The following EVA1B variants were observed in gnomAD, a reference collection of about 807,000 sequenced individuals.
The protein encoded by EVA1B is eva-1 homolog B.
Under a neutral mutation model 4.6 loss-of-function variants are expected in EVA1B, and 2 were observed. The observed-to-expected ratio is 0.43, with a 90% CI of 0.18 to 1.37. EVA1B has a LOEUF of 1.37. Ranked by LOEUF, EVA1B falls within the 40% of genes most tolerant of loss-of-function variation. The pLI is 0.28. For synonymous variants in EVA1B, 124 were observed against 115.8 expected, an observed-to-expected ratio of 1.07 and a Z score of -0.46; for missense variants, 263 against 240.4, an observed-to-expected ratio of 1.09 and a Z score of -0.62.
chr1:36,322,353 C>A lies in EVA1B; in HGVS notation c.440G>T (p.Gly147Val). ...GGCCGTGGGGCTGGGCCCCAGCGTG[C>A]CTGTGCCCAGCAGGTCCGGCTGCCC... ...RTGQPDLLGT[G>V]TLGPSPTATG... The change falls in exon 3 of 3, where the codon GGC becomes GTC. Residue 147 changes from glycine to valine, a missense_variant. Physicochemically the swap from Gly to Val is moderately radical, Grantham distance 109. Transcript: ENST00000490466. The A allele has an allele frequency of 6.3e-7, 1 of 1,584,540 alleles. No homozygotes were observed. The highest frequency in any genetic ancestry group is 8.5e-7 in the Non-Finnish European group (1 of 1,173,346).
In EVA1B at chr1:36,322,690, C is replaced by T; in HGVS notation, c.103G>A (p.Gly35Ser). The T allele has an allele frequency of 6.5e-7, 1 of 1,547,322 alleles. No individual in the cohort carries two copies. The highest frequency in any genetic ancestry group is 8.7e-7 in the Non-Finnish European group (1 of 1,146,770). Residue 35 changes from glycine to serine, a missense_variant, in exon 3 of 3, where the codon GGC becomes AGC. Physicochemically the swap from Gly to Ser is moderately conservative, Grantham distance 56 (BLOSUM62 0). Transcript: ENST00000490466. ...PESFGLYFVL[G>S]VCFGLLLTLC... ...GTGAGCAGCAGGCCGAAGCAGACGC[C>T]CAGCACGAAGTAGAGGCCGAAGCTC... is the stretch of plus-strand genomic sequence containing the variant.
chr1:36,322,604 A>G lies in EVA1B; in HGVS notation c.189T>C (p.Ala63=). ...WAPRPRPRGP[A]QRRDPRSSTL... ...TGCTGCTGCGGGGGTCCCGGCGCTG[A>G]GCCGGGCCCCGGGGCCGCGGGCGGG... Residue 63 remains alanine (A), a synonymous_variant, in exon 3 of 3, where the codon GCT becomes GCC. Coordinates refer to ENST00000490466, the MANE Select transcript of EVA1B (RefSeq NM_001304762.2). 1 of 1,555,264 alleles carries G rather than the reference A, an allele frequency of 6.4e-7. No homozygotes were observed. The highest frequency in any genetic ancestry group is 8.7e-7 in the Non-Finnish European group (1 of 1,154,088).
chr1:36,322,375 G>A lies in EVA1B; in HGVS notation c.418C>T (p.Gln140Ter). The change falls in exon 3 of 3, where the codon CAG (glutamine) becomes TAG (stop). Residue 140 changes from glutamine (Q) to a stop codon, truncating the protein, a stop_gained. Transcript: ENST00000490466. LOFTEE classifies it high-confidence loss of function. The stretch of plus-strand genomic sequence containing the variant: ...GTGCCTGTGCCCAGCAGGTCCGGCT[G>A]CCCGGTGCGCCAGATCTCCCGCAGG... ...RILREIWRTG[Q>*]PDLLGTGTLG... is the part of the protein sequence containing the mutation. 6.3e-7 allele frequency: 1 copy of A among 1,592,244 alleles called. No homozygotes were observed. Among genetic ancestry groups the A allele is most frequent in the Non-Finnish European group, 8.5e-7 (1 of 1,176,576 alleles).
rs761698911 is a variant in EVA1B at position 36,322,382 on chromosome 1, G to A, written c.411C>T (p.Arg137=). 5 of 1,594,764 alleles carry A rather than the reference G, an allele frequency of 3.1e-6. No individual in the cohort carries two copies. Among genetic ancestry groups the A allele is most frequent in the South Asian group, 1.1e-5 (1 of 90,066 alleles). Residue 137 remains arginine (R), a synonymous_variant, in exon 3 of 3, where the codon CGC becomes CGT. Coordinates refer to ENST00000490466, the MANE Select transcript of EVA1B (RefSeq NM_001304762.2). ...ERERILREIW[R]TGQPDLLGTG... ...TGCCCAGCAGGTCCGGCTGCCCGGT[G>A]CGCCAGATCTCCCGCAGGATCCGTT...
In EVA1B at chr1:36,322,329, G is replaced by A. The variant is rs1646477628; in HGVS notation, c.464C>T (p.Ala155Val). Residue 155 changes from alanine to valine, a missense_variant, in exon 3 of 3, where the codon GCC becomes GTC. Ala to Val is a moderately conservative substitution (Grantham distance 64). Coordinates refer to ENST00000490466, the MANE Select transcript of EVA1B (RefSeq NM_001304762.2). ...GTGCATGCGGCCCAGGGTGCCCGTGGCCGTGGGGCTGGGCCCCAGCGTGCC... is the reference window on the plus strand; with the variant it reads ...GTGCATGCGGCCCAGGGTGCCCGTGACCGTGGGGCTGGGCCCCAGCGTGCC... ...GTGTLGPSPT[A>V]TGTLGRMHYY is the part of the protein sequence containing the mutation. 6.4e-7 allele frequency: 1 copy of A among 1,566,018 alleles called. No homozygotes were observed.
intron 1 of EVA1B, 109 bp downstream of exon 1, chr1:36,323,350 A>G (rs966190674): frequency 3.1e-6 from 1 of 318,972 alleles, no homozygotes; most frequent in African/African-American, 2.2e-5. Flanking sequence ...GATGGAGGAT[A>G]GGGACGCTGA....
intron 1 of EVA1B, 150 bp from the exon 2 acceptor site, chr1:36,323,217 G>A: frequency 1.5e-6 from 1 of 678,326 alleles, no homozygotes; most frequent in Non-Finnish European, 2.3e-6. Flanking sequence ...GGCCCTGTCG[G>A]GGGGAACCCC....
In EVA1B at chr1:36,323,069, T is replaced by C. The variant is rs1227582576; in HGVS notation, c.-30-2A>G. The C allele has an allele frequency of 6.3e-7, 1 of 1,592,642 alleles. No homozygotes were observed. The highest frequency in any genetic ancestry group is 1.9e-5 in the Admixed American group (1 of 53,718). Reference sequence around the variant, plus strand: ...CTGGGGGGCAGCTCCCCTACCAGCCTGCGAGGTCAGCAAAGTCAGATCCTT... The same window carrying C: ...CTGGGGGGCAGCTCCCCTACCAGCCCGCGAGGTCAGCAAAGTCAGATCCTT... On this transcript the variant is annotated splice_acceptor_variant, in intron 1 of 2. Transcript: ENST00000490466. LOFTEE classifies it low-confidence loss of function (5UTR_SPLICE).
chr1:36,323,348 A>C (rs1646500948), intron 1 of EVA1B, 111 bp downstream of exon 1: 1 of 332,836 alleles, frequency 3.0e-6, no homozygotes, highest in Middle Eastern at 8.5e-4. Flanking sequence ...GGGATGGAGG[A>C]TAGGGACGCT....
At chr1:36,323,716 G>C (rs1344008603), upstream of EVA1B, 1 of 152,090 alleles carries the variant, frequency 6.6e-6, no homozygotes, top group Admixed American at 6.5e-5. Context: ...GGGGAGAGGA[G>C]CGGGCAGCCG....
Position 36,322,775 on chromosome 1 carries a change from T to G in EVA1B, c.68-50A>C, listed in dbSNP as rs766889776. On this transcript the variant is annotated intron_variant, in intron 2 of 2. Transcript: ENST00000490466. ...CGGAGAGGCCCGGACGGGTGGGGGTTGTCCCACTTCCGAAAGACCCCAGGT... is the reference window on the plus strand; with the variant it reads ...CGGAGAGGCCCGGACGGGTGGGGGTGGTCCCACTTCCGAAAGACCCCAGGT... The G allele has an allele frequency of 2.1e-5, 32 of 1,525,126 alleles. No homozygotes were observed. In the South Asian group the frequency reaches 3.6e-4, roughly 17 times the overall value. 94.5% of individuals were successfully genotyped at this position (1,525,126 alleles called of 1,614,324 possible).
At position 36,323,050 on chromosome 1, in the gene EVA1B, G is replaced by T; in HGVS notation, c.-13C>A. 6.3e-7 allele frequency: 1 copy of T among 1,598,134 alleles called. No homozygotes were observed. The highest frequency in any genetic ancestry group is 8.5e-7 in the Non-Finnish European group (1 of 1,175,092). On this transcript the variant is annotated 5_prime_UTR_variant, in exon 2 of 3. Coordinates refer to ENST00000490466, the MANE Select transcript of EVA1B (RefSeq NM_001304762.2). ...GCGGGGCATCCATGCTGCTCTGGGGGGCAGCTCCCCTACCAGCCTGCGAGG... is the reference window on the plus strand; with the variant it reads ...GCGGGGCATCCATGCTGCTCTGGGGTGCAGCTCCCCTACCAGCCTGCGAGG...
chr1:36,322,725 G>A lies in EVA1B; in HGVS notation c.68C>T (p.Ala23Val), dbSNP rs1034370838. The change falls in exon 3 of 3, where the codon GCC (alanine) becomes GTC (valine). Residue 23 changes from alanine (A) to valine (V), a missense_variant and splice_region_variant. Physicochemically the swap from Ala to Val is moderately conservative, Grantham distance 64. Coordinates refer to ENST00000490466, the MANE Select transcript of EVA1B (RefSeq NM_001304762.2). Reference protein sequence around the residue: ...NSLAAYAHIRANPESFGLYFV... With the variant: ...NSLAAYAHIRVNPESFGLYFV... ...GTAGAGGCCGAAGCTCTCGGGGTTG[G>A]CTGCGGGGCACAGGGCGGGGGTCAC... is the stretch of plus-strand genomic sequence containing the variant. The A allele has an allele frequency of 1.3e-6, 2 of 1,546,440 alleles. No individual in the cohort carries two copies. Among genetic ancestry groups the A allele is most frequent in the African/African-American group, 2.7e-5 (2 of 73,080 alleles).
rs929013794 is a variant in EVA1B at position 36,322,878 on chromosome 1, C to G, written c.67+93G>C. On this transcript the variant is annotated intron_variant, in intron 2 of 2. Transcript: ENST00000490466. ...CGCCAGCGGGCAAGAGGGCGGGGAG[C>G]GGGGCGGAGGGGACGGACAAGGCGC... The G allele has an allele frequency of 3.3e-6, 5 of 1,524,516 alleles. No homozygotes were observed. The African/African-American group carries it at 6.9e-5, about 21-fold the overall frequency. The allele number at this position is 1,524,516 out of a possible 1,614,324, so 94.4% of individuals were successfully genotyped here.
chr1:36,322,504 C>T lies in EVA1B; in HGVS notation c.289G>A (p.Gly97Ser), dbSNP rs141040011. 6.9e-6 allele frequency: 11 copies of T among 1,602,268 alleles called. No individual in the cohort carries two copies. In the African/African-American group the frequency reaches 1.5e-4, roughly 21 times the overall value. ...TCCGGCTCTGCGGACAGCTCGGGGC[C>T]CGGCAGCGTGTCGTCGGGGCCCAGC... ...TRLGPDDTLP[G>S]PELSAEPDGP... The change falls in exon 3 of 3, where the codon GGC (glycine) becomes AGC (serine). Residue 97 changes from glycine to serine, a missense_variant. By Grantham distance (56) the Gly-to-Ser change is moderately conservative. Transcript: ENST00000490466.
Position 36,322,187 on chromosome 1 carries a change from T to C in EVA1B, c.*108A>G. Reference sequence around the variant, plus strand: ...TCAGGGGGTGGCGGTCCACGCCCAGTAGCACCTGGGAGCTGTGGGGGCCGA... The same window carrying C: ...TCAGGGGGTGGCGGTCCACGCCCAGCAGCACCTGGGAGCTGTGGGGGCCGA... On this transcript the variant is annotated 3_prime_UTR_variant, in exon 3 of 3. Transcript: ENST00000490466. 4.4e-6 allele frequency: 6 copies of C among 1,363,302 alleles called. No individual in the cohort carries two copies. In the Admixed American group the frequency reaches 1.9e-4, roughly 43 times the overall value. The allele number at this position is 1,363,302 out of a possible 1,614,324, so 84.5% of individuals were successfully genotyped here. A position where few individuals can be genotyped will look rare whatever the true frequency, so the allele number is the denominator to read the frequency against.
Position 36,322,651 on chromosome 1 carries a change from C to G in EVA1B, c.142G>C (p.Val48Leu). 1.3e-6 allele frequency: 2 copies of G among 1,546,588 alleles called. No homozygotes were observed. Among genetic ancestry groups the G allele is most frequent in the Non-Finnish European group, 1.7e-6 (2 of 1,146,892 alleles). ...CGGGGCGCCCACGAGATGCTGATGA[C>G]GAGCAGGCAGAGGGTGAGCAGCAGG... Reference protein sequence around the residue: ...FGLLLTLCLLVISISWAPRPR... With the variant: ...FGLLLTLCLLLISISWAPRPR... The change falls in exon 3 of 3, where the codon GTC (valine) becomes CTC (leucine). Residue 48 changes from valine (V) to leucine (L), a missense_variant. Coordinates refer to ENST00000490466, the MANE Select transcript of EVA1B (RefSeq NM_001304762.2).
At chr1:36,323,858 C>A (rs1037486070), upstream of EVA1B, 1 of 152,240 alleles carries the variant, frequency 6.6e-6, no homozygotes, top group Non-Finnish European at 1.5e-5. Flanking sequence ...GCGTGCGGGC[C>A]AAGGGCTAAA....
chr1:36,322,626 CG>C lies in EVA1B; in HGVS notation c.166del (p.Arg56AlafsTer31). ...CTGAGCCGGGCCCCGGGGCCGCGGG[CG>C]GGGCGCCCACGAGATGCTGATGACG... ...LLVISISWAP[R>X]PRPRGPAQRR... On this transcript the variant is annotated frameshift_variant, in exon 3 of 3. Coordinates refer to ENST00000490466, the MANE Select transcript of EVA1B (RefSeq NM_001304762.2). LOFTEE classifies it low-confidence loss of function (END_TRUNC). 1 of 1,545,818 alleles carries C rather than the reference CG, an allele frequency of 6.5e-7. No homozygotes were observed.
Sources: allele counts gnomAD v4.1 joint callset, GRCh38; gene constraint gnomAD v4.1.1; transcripts MANE v1.5; gene names NCBI Gene and HGNC (gene_info 2026-07-23, HGNC 2026-07-21).